The following MYO1C variants were observed in gnomAD, a reference collection of about 807,000 sequenced individuals.
The protein encoded by MYO1C is unconventional myosin-Ic.
MYO1C carries 104 observed loss-of-function variants against 150.8 expected under a neutral mutation model. The ratio of observed to expected loss-of-function variants is 0.69; its 90% CI spans 0.59 to 0.81. The LOEUF (loss-of-function observed/expected upper bound fraction) is 0.81. Ranked by LOEUF, MYO1C falls within the 30% of genes least tolerant of loss-of-function variation. MYO1C has a pLI of 0.00. For missense variants in MYO1C, 1,504 were observed against 1,435.0 expected, an observed-to-expected ratio of 1.05 and a Z score of -0.78; for synonymous variants, 663 against 579.9, an observed-to-expected ratio of 1.14 and a Z score of -2.06.
rs1290620664 is a variant in MYO1C, at chr17:1,474,347, G to C, written c.1797+263C>G. On this transcript the variant is annotated intron_variant, in intron 17 of 31. Transcript: ENST00000648651. The stretch of plus-strand genomic sequence containing the variant: ...GGAGACTGAGGCAGGAGAATCGCTT[G>C]AACCAGGGAGGTGGAGGTTGCAGTG... Among the ~76,000 whole-genome samples the C allele has an allele frequency of 5.3e-4, 80 of 150,350 alleles. 3 individuals are homozygous for C. Among genetic ancestry groups the C allele is most frequent in the Admixed American group, 5.1e-3 (77 of 14,998 alleles).
chr17:1,470,893 G>C (rs1598325295), intron 21 of MYO1C, 178 bp downstream of exon 21: 1 of 902,154 alleles, frequency 1.1e-6, no homozygotes, highest in Non-Finnish European at 1.7e-6. Flanking sequence ...GGCTGGAGCT[G>C]GTGGGGAGGG....
intron 1 of MYO1C, chr17:1,492,091 G>A (rs2074742021): frequency 5.0e-6 from 2 of 399,128 alleles, no homozygotes; most frequent in Non-Finnish European, 4.8e-6. Context: ...GACTGAGCCT[G>A]GAGCTTCCAT....
intron 17 of MYO1C, 103 bp from the exon 18 acceptor site, chr17:1,472,331 C>A: frequency 1.0e-6 from 1 of 986,976 alleles, no homozygotes; most frequent in Non-Finnish European, 1.6e-6. Context: ...GCGCAGCAGC[C>A]TCTGATTCTG....
chr17:1,474,687 T>C lies in MYO1C; in HGVS notation c.1720A>G (p.Met574Val). The change falls in exon 17 of 32, where the codon ATG (methionine) becomes GTG (valine). Residue 574 changes from methionine (M) to valine (V), a missense_variant. Physicochemically the swap from Met to Val is conservative, Grantham distance 21. Coordinates refer to ENST00000648651, the MANE Select transcript of MYO1C (RefSeq NM_001080779.2). The stretch of plus-strand genomic sequence containing the variant: ...ATAATGGGATTCTTTGAGCTACACA[T>C]GGTCTGTGTGGGCAGAGCCGGGGTC... ...DLLFRNLKET[M>V]CSSKNPIMSQ... 2 of 1,613,930 alleles carry C rather than the reference T, an allele frequency of 1.2e-6. No individual in the cohort carries two copies. Among genetic ancestry groups the C allele is most frequent in the African/African-American group, 1.3e-5 (1 of 75,030 alleles).
intron 13 of MYO1C, 57 bp downstream of exon 13, chr17:1,477,834 G>A: frequency 2.0e-6 from 3 of 1,490,440 alleles, no homozygotes; most frequent in Non-Finnish European, 2.8e-6. Flanking sequence ...AACGGAGAAG[G>A]GGGACATCCT....
rs374195384 is a variant in MYO1C, at chr17:1,478,473, C to T, written c.1232G>A (p.Trp411Ter). 31 of 1,614,078 alleles carry T rather than the reference C, an allele frequency of 1.9e-5. No homozygotes were observed. Among genetic ancestry groups the T allele is most frequent in the Non-Finnish European group, 2.5e-5 (29 of 1,180,044 alleles). The part of the protein sequence containing the change: ...LASKDVESPS[W>*]RSTTVLGLLD... The stretch of plus-strand genomic sequence containing the variant: ...GAGCCCGAGAACCGTGGTGCTCCGC[C>T]AGCTGGGGCTCTCCACGTCCTAGGG... The change falls in exon 11 of 32, where the codon TGG becomes TAG. Residue 411 changes from tryptophan (W) to a stop codon, truncating the protein, a stop_gained. Coordinates refer to ENST00000648651, the MANE Select transcript of MYO1C (RefSeq NM_001080779.2). LOFTEE classifies it high-confidence loss of function. This position sits in a 1 kb window ranked among gnomAD's most constrained non-coding sequence, Gnocchi z 6.3.
chr17:1,491,558 C>G, intron 1 of MYO1C: 1 of 926,664 alleles, frequency 1.1e-6, no homozygotes, highest in Non-Finnish European at 1.3e-6. Context: ...GCTCCCCACA[C>G]CCGCCCCCCG....
At position 1,492,555 on chromosome 17, in the gene MYO1C, G is replaced by A; in HGVS notation, c.-68C>T. On this transcript the variant is annotated 5_prime_UTR_variant, in exon 1 of 32. Transcript: ENST00000648651. ...GAGCAAGAGCTGCCTGCCCACTGGC[G>A]GGCTCCGACCACTCCGGGACCAGGA... The A allele has an allele frequency of 1.4e-6, 2 of 1,452,282 alleles. No homozygotes were observed. Among genetic ancestry groups the A allele is most frequent in the Non-Finnish European group, 1.9e-6 (2 of 1,057,872 alleles). The allele number at this position is 1,452,282 out of a possible 1,614,324, so 90.0% of individuals were successfully genotyped here. A position where few individuals can be genotyped will look rare whatever the true frequency, so the allele number is the denominator to read the frequency against.
intron 19 of MYO1C, among the ~76,000 whole-genome samples, chr17:1,471,682 CCT>C (rs2074306478): frequency 3.9e-5 from 6 of 152,312 alleles, no homozygotes; most frequent in African/African-American, 1.4e-4. Context: ...CTCCTGTACC[CCT>C]GACCGGGTGC....
At position 1,472,123 on chromosome 17, in the gene MYO1C, C is replaced by T. The variant is rs1598327407; in HGVS notation, c.1903G>A (p.Gly635Ser). 2 of 1,614,002 alleles carry T rather than the reference C, an allele frequency of 1.2e-6. No homozygotes were observed. The highest frequency in any genetic ancestry group is 1.7e-6 in the Non-Finnish European group (2 of 1,179,930). The part of the protein sequence containing the change: ...CIKPNDAKQP[G>S]RFDEVLIRHQ... ...GAAGTCCCCCGTGGGAGGGGCCTACCGGGCTGTTTGGCATCATTGGGTTTG... is the reference window on the plus strand; with the variant it reads ...GAAGTCCCCCGTGGGAGGGGCCTACTGGGCTGTTTGGCATCATTGGGTTTG... Residue 635 changes from glycine (G) to serine (S), a missense_variant and splice_region_variant, in exon 18 of 32, where the codon GGC (glycine) becomes AGC (serine). Transcript: ENST00000648651.
chr17:1,468,275 G>A lies in MYO1C; in HGVS notation c.2738C>T (p.Ala913Val), dbSNP rs780170094. The change falls in exon 27 of 32, where the codon GCC (alanine) becomes GTC (valine). Residue 913 changes from alanine to valine, a missense_variant. Ala to Val is a moderately conservative substitution (Grantham distance 64). Coordinates refer to ENST00000648651, the MANE Select transcript of MYO1C (RefSeq NM_001080779.2). The part of the protein sequence containing the change: ...TDEISPRVLQ[A>V]LGSEPIQYAV... ...TACCTGAATGGGCTCAGAGCCCAAG[G>A]CCTGCAGCACTCGGGGGCTGATCTC... is the stretch of plus-strand genomic sequence containing the variant. The A allele has an allele frequency of 1.2e-6, 2 of 1,613,786 alleles. No homozygotes were observed. Among genetic ancestry groups the A allele is most frequent in the Non-Finnish European group, 1.7e-6 (2 of 1,179,988 alleles).
At chr17:1,480,004 G>A (rs1248980912) in intron 7 of MYO1C, among the ~76,000 whole-genome samples, 1 of 151,938 alleles carries the variant, frequency 6.6e-6, no homozygotes, top group Non-Finnish European at 1.5e-5. Flanking sequence ...AAATTAGCCA[G>A]GTGTGGTGGC....
rs112029113 is a variant in MYO1C at position 1,483,020 on chromosome 17, C to T, written c.387G>A (p.Thr129=). 22,794 of 1,611,654 alleles carry T rather than the reference C, an allele frequency of 0.014. 203 individuals carry two copies. Among genetic ancestry groups the T allele is most frequent in the Non-Finnish European group, 0.017 (20,608 of 1,179,772 alleles). The change falls in exon 4 of 32, where the codon ACG becomes ACA. Residue 129 remains threonine, a synonymous_variant. Transcript: ENST00000648651. The part of the protein sequence containing the change: ...VADTVYRALR[T]ERRDQAVMIS... ...TCATCACAGCCTGGTCCCGACGCTC[C>T]GTGCGCAGTGCTCGGTACACAGTGT...
chr17:1,472,083 G>T (rs753234005), intron 18 of MYO1C, 40 bp downstream of exon 18: 1 of 1,612,928 alleles, frequency 6.2e-7, no homozygotes, highest in Admixed American at 1.7e-5. Flanking sequence ...TCTCCTGCAG[G>T]GGAGGCCCGG....
At position 1,470,428 on chromosome 17, in the gene MYO1C, C is replaced by T. The variant is rs759281121; in HGVS notation, c.2366+7G>A. On this transcript the variant is annotated splice_region_variant and intron_variant, in intron 23 of 31. Transcript: ENST00000648651. Reference sequence around the variant, plus strand: ...CTGCAGCCCCCACAAGGCACCCTGGCGCTCACCGCCGGATGGTCTGTGCCG... The same window carrying T: ...CTGCAGCCCCCACAAGGCACCCTGGTGCTCACCGCCGGATGGTCTGTGCCG... 10 of 1,550,288 alleles carry T rather than the reference C, an allele frequency of 6.5e-6. No homozygotes were observed. The East Asian group carries it at 7.3e-5, about 11-fold the overall frequency.
chr17:1,474,774 T>TGCCCCCCCC, intron 16 of MYO1C, 38 bp downstream of exon 16: 2 of 1,597,358 alleles, frequency 1.3e-6, no homozygotes, highest in Non-Finnish European at 1.7e-6. Flanking sequence ...CTGTGGGCTA[T>TGCCCCCCCC]CCCCACCCCC....
chr17:1,482,438 T>C, intron 5 of MYO1C, 40 bp downstream of exon 5: 9 of 1,562,964 alleles, frequency 5.8e-6, no homozygotes, highest in Non-Finnish European at 7.9e-6. Context: ...GTGTAGAGCC[T>C]ACTGAATGGG....
rs1042032136 is a variant in MYO1C, at chr17:1,471,579, A to C, written c.2022-243T>G. ...ACCCCCCAGGCCCCCGACTCAGAAG[A>C]ACCACAAAGCTGCTCCACCCTTTCG... On this transcript the variant is annotated intron_variant, in intron 19 of 31. Coordinates refer to ENST00000648651, the MANE Select transcript of MYO1C (RefSeq NM_001080779.2). 3.9e-5 allele frequency among the ~76,000 whole-genome samples: 6 copies of C among 152,314 alleles called. No individual in the cohort carries two copies. The South Asian group carries it at 1.2e-3, about 32-fold the overall frequency.
intron 17 of MYO1C, chr17:1,472,444 C>T (rs80131653): frequency 5.2e-6 from 3 of 576,410 alleles, no homozygotes; most frequent in East Asian, 2.9e-5. Context: ...GTCTACGAGC[C>T]TCACTCCAGC....
Sources: allele counts gnomAD v4.1 joint callset (sites outside exome capture counted in the v4.1 genomes callset), GRCh38; gene constraint gnomAD v4.1.1; non-coding constraint Gnocchi (gnomAD v3.1); transcripts MANE v1.5; gene names NCBI Gene and HGNC (gene_info 2026-07-23, HGNC 2026-07-21).